SMAD4: variants seen among roughly 807,000 people sequenced by gnomAD.
SMAD4 encodes SMAD family member 4.
SMAD4 carries 7 observed loss-of-function variants against 63.2 expected under a neutral mutation model. That is an observed-to-expected ratio of 0.11 (90% confidence interval 0.06 to 0.21). SMAD4 has a LOEUF of 0.21. Among genes scored for constraint, SMAD4 ranks in the 10% least tolerant of loss-of-function variants. The pLI, the probability that SMAD4 is intolerant of heterozygous loss-of-function variation, is 1.00. For synonymous variants in SMAD4, 215 were observed against 235.4 expected (o/e 0.91, Z 0.79); for missense variants, 312 against 693.8 (o/e 0.45, Z 6.18).
At chr18:51,070,207 T>G (rs912830241) in intron 10 of SMAD4, among the ~76,000 whole-genome samples, 4 of 152,144 alleles carry the variant, frequency 2.6e-5, no homozygotes, top group African/African-American at 9.7e-5. Flanking sequence ...AGATATGGAG[T>G]AGTATTTAAA....
chr18:51,046,690 G>C (rs1186866081), intron 1 of SMAD4, among the ~76,000 whole-genome samples: 2 of 151,706 alleles, frequency 1.3e-5, no homozygotes, highest in Admixed American at 6.6e-5. Context: ...TAATATTTTT[G>C]GAATGTCAAA....
chr18:51,036,542 C>A (rs964201466), intron 1 of SMAD4, among the ~76,000 whole-genome samples: 1 of 152,100 alleles, frequency 6.6e-6, no homozygotes, highest in Non-Finnish European at 1.5e-5. Flanking sequence ...CCTACTAAAA[C>A]TAGTTGAAGG....
At chr18:51,062,282 A>G (rs1005566981) in intron 8 of SMAD4, among the ~76,000 whole-genome samples, 6 of 152,152 alleles carry the variant, frequency 3.9e-5, no homozygotes, top group Non-Finnish European at 7.3e-5. Context: ...TATACAGAAA[A>G]GTATGTAACA....
intron 1 of SMAD4, among the ~76,000 whole-genome samples, chr18:51,044,582 C>G (rs1223411758): frequency 2.6e-5 from 4 of 151,804 alleles, no homozygotes; most frequent in Non-Finnish European, 5.9e-5. Context: ...GAGTAAAGAT[C>G]AGGTTTTGCC....
chr18:51,075,689 A>G (rs1472886469), intron 10 of SMAD4, among the ~76,000 whole-genome samples: 1 of 152,238 alleles, frequency 6.6e-6, no homozygotes, highest in Admixed American at 6.5e-5. Flanking sequence ...CAGTACTTTC[A>G]TAAATATAAG....
At chr18:51,034,436 G>A (rs1283916210) in intron 1 of SMAD4, among the ~76,000 whole-genome samples, 1 of 151,944 alleles carries the variant, frequency 6.6e-6, no homozygotes, top group Non-Finnish European at 1.5e-5. Context: ...ATTAGTAGAG[G>A]ACGGGGTTTC....
intron 10 of SMAD4, among the ~76,000 whole-genome samples, chr18:51,068,113 G>A (rs1009112468): frequency 6.6e-6 from 1 of 152,184 alleles, no homozygotes; most frequent in Non-Finnish European, 1.5e-5. Context: ...TAAAAATAAT[G>A]TAGCCCCATA....
chr18:51,054,352 A>G (rs1490286377), intron 4 of SMAD4: 1 of 203,184 alleles, frequency 4.9e-6, no homozygotes, highest in African/African-American at 2.4e-5. Context: ...GTGTGAAATT[A>G]ACAAAAAGAT....
intron 1 of SMAD4, among the ~76,000 whole-genome samples, chr18:51,036,292 A>G (rs1418481885): frequency 6.6e-6 from 1 of 152,196 alleles, no homozygotes; most frequent in African/African-American, 2.4e-5. Flanking sequence ...ATATGGATGA[A>G]TGTATGCTAC....
rs192536777 is a variant in SMAD4, at chr18:51,063,002, C to T, written c.956-2421C>T. ...CCAAGTAGCTGGGACTATAGGCGCC[C>T]GCCACCACGCCCGGCTAATTTTTGT... On this transcript the variant is annotated intron_variant, in intron 8 of 11. Coordinates refer to ENST00000342988, the MANE Select transcript of SMAD4 (RefSeq NM_005359.6). Among the ~76,000 whole-genome samples the T allele has an allele frequency of 3.4e-3, 511 of 151,632 alleles. 6 individuals carry two copies. The East Asian group carries it at 0.042, about 13-fold the overall frequency.
chr18:51,080,170 C>T lies in SMAD4; in HGVS notation c.*1703C>T, dbSNP rs1222049422. 1 of 232,482 alleles carries T rather than the reference C, an allele frequency of 4.3e-6. No homozygotes were observed. Among genetic ancestry groups the T allele is most frequent in the East Asian group, 6.1e-5 (1 of 16,442 alleles). 14.4% of individuals were successfully genotyped at this position (232,482 alleles called of 1,614,324 possible). A position where few individuals can be genotyped will look rare whatever the true frequency, so the allele number is the denominator to read the frequency against. The stretch of plus-strand genomic sequence containing the variant: ...CTCCTTATATCACCTGGAATGAACA[C>T]AGCTTCTACTGCCTTGCTCAGAAGG... On this transcript the variant is annotated 3_prime_UTR_variant, in exon 12 of 12. Coordinates refer to ENST00000342988, the MANE Select transcript of SMAD4 (RefSeq NM_005359.6).
intron 8 of SMAD4, among the ~76,000 whole-genome samples, chr18:51,061,013 A>T (rs1006313414): frequency 2.6e-5 from 4 of 152,116 alleles, no homozygotes; most frequent in Non-Finnish European, 5.9e-5. Context: ...TGCTGGGATT[A>T]TAGACGTGAG....
rs1909801989 is a variant in SMAD4 at position 51,054,961 on chromosome 18, C to A, written c.635C>A (p.Ala212Asp). The A allele has an allele frequency of 6.2e-7, 1 of 1,614,042 alleles. No individual in the cohort carries two copies. The highest frequency in any genetic ancestry group is 1.1e-5 in the South Asian group (1 of 91,088). Residue 212 changes from alanine (A) to aspartate (D), a missense_variant, in exon 5 of 12, where the codon GCC (alanine) becomes GAC (aspartate). Physicochemically the swap from Ala to Asp is moderately radical, Grantham distance 126. Transcript: ENST00000342988. ...APSESNATST[A>D]NFPNIPVAST... The stretch of plus-strand genomic sequence containing the variant: ...TCTGAGTCTAATGCTACCAGCACTG[C>A]CAACTTTCCCAACATTCCTGTGGCT...
chr18:51,048,865 G>A lies in SMAD4; in HGVS notation c.424+5G>A, dbSNP rs200772603. The A allele has an allele frequency of 1.8e-4, 297 of 1,608,638 alleles. No individual in the cohort carries two copies. Among genetic ancestry groups the A allele is most frequent in the Middle Eastern group, 5.3e-4 (3 of 5,670 alleles). On this transcript the variant is annotated splice_donor_5th_base_variant and intron_variant, in intron 3 of 11. Transcript: ENST00000342988. The stretch of plus-strand genomic sequence containing the variant: ...GAGTTGTATCACCTGGAATTGGTAA[G>A]TAGACTTTGCTTTCATCCTAAGAAA...
At chr18:51,042,180 A>C (rs1401190245) in intron 1 of SMAD4, among the ~76,000 whole-genome samples, 1 of 152,104 alleles carries the variant, frequency 6.6e-6, no homozygotes, top group Non-Finnish European at 1.5e-5. Context: ...ATGCCCCAGA[A>C]ATTCATGTAG....
At chr18:51,033,791 C>T (rs553620714) in intron 1 of SMAD4, among the ~76,000 whole-genome samples, 4 of 152,112 alleles carry the variant, frequency 2.6e-5, no homozygotes, top group Non-Finnish European at 5.9e-5. Flanking sequence ...GTTGTGTCAC[C>T]TTAACACTAT....
chr18:51,049,446 G>A, intron 4 of SMAD4, 122 bp downstream of exon 4: 1 of 754,352 alleles, frequency 1.3e-6, no homozygotes, highest in Admixed American at 2.1e-5. Context: ...ATAACTTACT[G>A]CTTTGGAAAT....
chr18:51,066,095 T>C (rs1353329942), intron 9 of SMAD4, among the ~76,000 whole-genome samples: 1 of 152,178 alleles, frequency 6.6e-6, no homozygotes, highest in Non-Finnish European at 1.5e-5. Flanking sequence ...CTCACACCTA[T>C]AATCCCAGCA....
intron 1 of SMAD4, among the ~76,000 whole-genome samples, chr18:51,040,405 C>T (rs1488700422): frequency 1.4e-5 from 2 of 147,132 alleles, no homozygotes; most frequent in African/African-American, 2.5e-5. Flanking sequence ...GCCTGGGCCA[C>T]AGTGAAACTC....
Sources: gnomAD v4.1 joint callset for allele counts (sites outside exome capture counted in the v4.1 genomes callset) on GRCh38, gnomAD v4.1.1 for gene constraint, MANE v1.5 for transcripts, NCBI Gene and HGNC (gene_info 2026-07-23, HGNC 2026-07-21) for gene names.